The following KCNA4 variants were observed in gnomAD, a reference collection of about 807,000 sequenced individuals.
KCNA4 encodes cardiac potassium channel.
KCNA4 carries 5 observed loss-of-function variants against 37.2 expected under a neutral mutation model. That is an observed-to-expected ratio of 0.13 (90% CI 0.07 to 0.28). KCNA4 has a LOEUF of 0.28. Ranked by LOEUF, KCNA4 falls within the 10% of genes least tolerant of loss-of-function variation. The pLI is 1.00. For missense variants in KCNA4, 634 were observed against 817.4 expected (o/e 0.78, Z 2.74); for synonymous variants, 350 against 311.8 (o/e 1.12, Z -1.29).
In KCNA4 at chr11:30,012,329, A is replaced by C; in HGVS notation, c.350T>G (p.Ile117Ser). Residue 117 changes from isoleucine (I) to serine (S), a missense_variant, in exon 2 of 2, where the codon ATC becomes AGC. By Grantham distance (142) the Ile-to-Ser change is moderately radical. Coordinates refer to ENST00000328224, the MANE Select transcript of KCNA4 (RefSeq NM_002233.4). ...CTCCTCCTCACTCAGCTCCCTCAGG[A>C]TCTTCTCCTCAGAGCCACTGGGCAT... ...DLMPSGSEEK[I>S]LRELSEEEED... 1.9e-6 allele frequency: 3 copies of C among 1,613,664 alleles called. No individual in the cohort carries two copies. The highest frequency in any genetic ancestry group is 2.5e-6 in the Non-Finnish European group (3 of 1,179,916).
At chr11:30,014,138 A>G (rs1350383532) in intron 1 of KCNA4, among the ~76,000 whole-genome samples, 1 of 152,192 alleles carries the variant, frequency 6.6e-6, no homozygotes, top group Non-Finnish European at 1.5e-5. Context: ...GCAGTTATGA[A>G]TAACATAACA....
At position 30,010,978 on chromosome 11, in the gene KCNA4, G is replaced by A. The variant is rs1850298190; in HGVS notation, c.1701C>T (p.Tyr567=). 6.2e-7 allele frequency: 1 copy of A among 1,614,082 alleles called. No homozygotes were observed. The highest frequency in any genetic ancestry group is 8.5e-7 in the Non-Finnish European group (1 of 1,180,032). The change falls in exon 2 of 2, where the codon TAC becomes TAT. Residue 567 remains tyrosine (Y), a synonymous_variant. Coordinates refer to ENST00000328224, the MANE Select transcript of KCNA4 (RefSeq NM_002233.4). ...GTTCCTCATTTTCAGTCTCTCTGTGGTAGAAATAGTTAAAGTTAGAGACAA... is the reference window on the plus strand; with the variant it reads ...GTTCCTCATTTTCAGTCTCTCTGTGATAGAAATAGTTAAAGTTAGAGACAA... The part of the protein sequence containing the change: ...PVIVSNFNYF[Y]HRETENEEQT...
chr11:30,015,744 T>C (rs1850344568), intron 1 of KCNA4, among the ~76,000 whole-genome samples: 1 of 152,126 alleles, frequency 6.6e-6, no homozygotes, highest in African/African-American at 2.4e-5. Flanking sequence ...TTTCTCAAGG[T>C]ACTCTTGTTA....
chr11:30,011,405 T>C lies in KCNA4; in HGVS notation c.1274A>G (p.Gln425Arg). 3 of 1,614,148 alleles carry C rather than the reference T, an allele frequency of 1.9e-6. No individual in the cohort carries two copies. Among genetic ancestry groups the C allele is most frequent in the Non-Finnish European group, 2.5e-6 (3 of 1,180,028 alleles). The change falls in exon 2 of 2, where the codon CAG (glutamine) becomes CGG (arginine). Residue 425 changes from glutamine (Q) to arginine (R), a missense_variant. Physicochemically the swap from Gln to Arg is conservative, Grantham distance 43. Around this residue, in one of 8 missense-constraint regions of KCNA4, gnomAD observed 252 missense variants for 344.2 expected, o/e 0.73. Coordinates refer to ENST00000328224, the MANE Select transcript of KCNA4 (RefSeq NM_002233.4). The surrounding 1 kb of genome is among the most constrained non-coding windows in gnomAD (Gnocchi z 5.6). ...YFITLGTDLAQQQGGGNGQQQ... is the reference protein window; with the variant it reads ...YFITLGTDLARQQGGGNGQQQ... ...CTGACCATTGCCACCCCCCTGTTGC[T>C]GGGCCAGGTCAGTGCCCAGTGTGAT...
Position 30,010,508 on chromosome 11 carries a change from T to C in KCNA4, c.*209A>G. The C allele has an allele frequency of 2.7e-6, 2 of 749,462 alleles. No homozygotes were observed. The highest frequency in any genetic ancestry group is 5.9e-5 in the South Asian group (2 of 34,028). The allele number at this position is 749,462 out of a possible 1,614,324, so 46.4% of individuals were successfully genotyped here. On this transcript the variant is annotated 3_prime_UTR_variant, in exon 2 of 2. Coordinates refer to ENST00000328224, the MANE Select transcript of KCNA4 (RefSeq NM_002233.4). ...ATTCTAATAAAAATATAAAGATAGA[T>C]TTGCTCCTATTCCTCCCTCTTCTCC...
intron 1 of KCNA4, among the ~76,000 whole-genome samples, chr11:30,015,167 G>T (rs521068): frequency 0.2 from 29,785 of 151,936 alleles, 3,395 homozygotes; most frequent in East Asian, 0.27. Context: ...CCCTTCCTTT[G>T]CCTGACTCCT....
chr11:30,015,536 T>G (rs1038237186), intron 1 of KCNA4, among the ~76,000 whole-genome samples: 1 of 152,206 alleles, frequency 6.6e-6, no homozygotes, highest in Non-Finnish European at 1.5e-5. Context: ...ATTTCACATT[T>G]ATTTATTTAT....
At chr11:30,014,124 A>G (rs1317615907) in intron 1 of KCNA4, among the ~76,000 whole-genome samples, 1 of 152,136 alleles carries the variant, frequency 6.6e-6, no homozygotes, top group Non-Finnish European at 1.5e-5. Context: ...GGCAATAAAC[A>G]CTGGCAGTTA....
chr11:30,015,364 A>G (rs560944347), intron 1 of KCNA4, among the ~76,000 whole-genome samples: 3 of 152,248 alleles, frequency 2.0e-5, no homozygotes, highest in African/African-American at 7.2e-5. Flanking sequence ...TATAATTTCA[A>G]TGAAGCCCCA....
At chr11:30,013,689 A>G (rs1323860) in intron 1 of KCNA4, among the ~76,000 whole-genome samples, 67,433 of 151,892 alleles carry the variant, frequency 0.44, 15,142 homozygotes, top group Middle Eastern at 0.48. Flanking sequence ...TTTTTATGGT[A>G]ACTCAATTAT....
rs1415033461 is a variant in KCNA4 at position 30,011,377 on chromosome 11, C to T, written c.1302G>A (p.Gln434=). Residue 434 remains glutamine, a synonymous_variant, in exon 2 of 2, where the codon CAG becomes CAA. Coordinates refer to ENST00000328224, the MANE Select transcript of KCNA4 (RefSeq NM_002233.4). This position sits in a 1 kb window ranked among gnomAD's most constrained non-coding sequence, Gnocchi z 5.6. ...GGATGGCAAAGGACATGGCCTGCTGCTGCTGACCATTGCCACCCCCCTGTT... is the reference window on the plus strand; with the variant it reads ...GGATGGCAAAGGACATGGCCTGCTGTTGCTGACCATTGCCACCCCCCTGTT... ...AQQQGGGNGQ[Q]QQAMSFAILR... 1.2e-6 allele frequency: 2 copies of T among 1,614,026 alleles called. No individual in the cohort carries two copies. Among genetic ancestry groups the T allele is most frequent in the African/African-American group, 1.3e-5 (1 of 74,914 alleles).
Position 30,012,584 on chromosome 11 carries a change from C to T in KCNA4, c.95G>A (p.Arg32Lys). ...AAQARARERERLAHSRAAAAA... is the reference protein window; with the variant it reads ...AAQARAREREKLAHSRAAAAA... Reference sequence around the variant, plus strand: ...TGCAGCTGCCCTGGAGTGAGCAAGCCTCTCCCGCTCCCGGGCCCGGGCCTG... The same window carrying T: ...TGCAGCTGCCCTGGAGTGAGCAAGCTTCTCCCGCTCCCGGGCCCGGGCCTG... The change falls in exon 2 of 2, where the codon AGG (arginine) becomes AAG (lysine). Residue 32 changes from arginine (R) to lysine (K), a missense_variant. Arg to Lys is a conservative substitution (Grantham distance 26). This residue lies in a region of KCNA4 where 236 missense variants were observed against 229.5 expected (regional missense o/e 1.03). Coordinates refer to ENST00000328224, the MANE Select transcript of KCNA4 (RefSeq NM_002233.4). 2 of 1,607,778 alleles carry T rather than the reference C, an allele frequency of 1.2e-6. No individual in the cohort carries two copies. Among genetic ancestry groups the T allele is most frequent in the South Asian group, 2.2e-5 (2 of 91,046 alleles).
rs762114047 is a variant in KCNA4, at chr11:30,011,452, A to G, written c.1227T>C (p.Ile409=). ...FFKNIMNIID[I]VSILPYFITL... ...TGATGAAGTAAGGCAAAATGGAGAC[A>G]ATGTCAATGATGTTCATGATGTTTT... The change falls in exon 2 of 2, where the codon ATT becomes ATC. Residue 409 remains isoleucine (I), a synonymous_variant. Coordinates refer to ENST00000328224, the MANE Select transcript of KCNA4 (RefSeq NM_002233.4). This position sits in a 1 kb window ranked among gnomAD's most constrained non-coding sequence, Gnocchi z 5.6. The G allele has an allele frequency of 1.2e-6, 2 of 1,614,168 alleles. No homozygotes were observed. Among genetic ancestry groups the G allele is most frequent in the Non-Finnish European group, 8.5e-7 (1 of 1,180,022 alleles).
chr11:30,012,071 C>G lies in KCNA4; in HGVS notation c.608G>C (p.Gly203Ala), dbSNP rs766363325. The G allele has an allele frequency of 6.2e-7, 1 of 1,614,122 alleles. No homozygotes were observed. Among genetic ancestry groups the G allele is most frequent in the Non-Finnish European group, 8.5e-7 (1 of 1,180,010 alleles). ...TLAQFPETLL[G>A]DPEKRTQYFD... ...GTACTGAGTCCTCTTTTCAGGGTCT[C>G]CCAACAAAGTCTCTGGAAACTGGGC... Residue 203 changes from glycine to alanine, a missense_variant, in exon 2 of 2, where the codon GGA becomes GCA. Around this residue, in one of 8 missense-constraint regions of KCNA4, gnomAD observed 252 missense variants for 344.2 expected, o/e 0.73. Transcript: ENST00000328224.
chr11:30,010,742 G>T lies in KCNA4; in HGVS notation c.1937C>A (p.Ala646Glu). Residue 646 changes from alanine (A) to glutamate (E), a missense_variant, in exon 2 of 2, where the codon GCA becomes GAA. By Grantham distance (107) the Ala-to-Glu change is moderately radical (BLOSUM62 -1). This residue lies in a region of KCNA4 where 91 missense variants were observed against 95.8 expected (regional missense o/e 0.95). Transcript: ENST00000328224. ...TCACACATCAGTCTCCACAGCCTTT[G>T]CATTAGAACAGTTGTTTTTATCTGT... The part of the protein sequence containing the change: ...SETDKNNCSN[A>E]KAVETDV 1 of 1,611,106 alleles carries T rather than the reference G, an allele frequency of 6.2e-7. No homozygotes were observed. The highest frequency in any genetic ancestry group is 8.5e-7 in the Non-Finnish European group (1 of 1,178,594).
At chr11:30,015,226 C>G (rs1285569428) in intron 1 of KCNA4, among the ~76,000 whole-genome samples, 1 of 152,154 alleles carries the variant, frequency 6.6e-6, no homozygotes, top group Non-Finnish European at 1.5e-5. Context: ...GTTTCCAAAT[C>G]CCTACTTACA....
chr11:30,016,061 C>T (rs1850347382), intron 1 of KCNA4, among the ~76,000 whole-genome samples: 1 of 152,044 alleles, frequency 6.6e-6, no homozygotes, highest in Non-Finnish European at 1.5e-5. Context: ...AAAGCCACCA[C>T]CGTGAGAAAT....
rs982856689 is a variant in KCNA4 at position 30,015,905 on chromosome 11, C to T, written c.-783+667G>A. ...CGCCCCCAAACAACAGCCAAGCATC[C>T]CGCCCCTCCTCCTCTCACCCCTCCA... On this transcript the variant is annotated intron_variant, in intron 1 of 1. Transcript: ENST00000328224. 3.3e-5 allele frequency among the ~76,000 whole-genome samples: 5 copies of T among 151,882 alleles called. No individual in the cohort carries two copies. The East Asian group carries it at 7.8e-4, about 24-fold the overall frequency.
In KCNA4 at chr11:30,012,180, T is replaced by C. The variant is rs780454437; in HGVS notation, c.499A>G (p.Ser167Gly). 2 of 1,614,174 alleles carry C rather than the reference T, an allele frequency of 1.2e-6. No individual in the cohort carries two copies. The highest frequency in any genetic ancestry group is 2.2e-5 in the South Asian group (2 of 91,080). ...LPQDEGGGGYSSVRYSDCCER... is the reference protein window; with the variant it reads ...LPQDEGGGGYGSVRYSDCCER... ...CAACAGTCACTGTAGCGGACTGAAC[T>C]GTAGCCGCCACCGCCCTCATCCTGA... Residue 167 changes from serine to glycine, a missense_variant, in exon 2 of 2, where the codon AGT (serine) becomes GGT (glycine). Transcript: ENST00000328224.
Sources: allele counts gnomAD v4.1 joint callset (sites outside exome capture counted in the v4.1 genomes callset), GRCh38; gene constraint gnomAD v4.1.1; regional missense constraint gnomAD v4.1.1; non-coding constraint Gnocchi (gnomAD v3.1); transcripts MANE v1.5; gene names NCBI Gene and HGNC (gene_info 2026-07-23, HGNC 2026-07-21).